The following GPD2 variants were observed in gnomAD, a reference collection of about 807,000 sequenced individuals.
The protein encoded by GPD2 is glycerol-3-phosphate dehydrogenase, mitochondrial.
Under a neutral mutation model 82.4 loss-of-function variants are expected in GPD2, and 54 were observed. The ratio of observed to expected loss-of-function variants is 0.66; its 90% CI spans 0.53 to 0.82. The LOEUF (loss-of-function observed/expected upper bound fraction) is 0.82, where lower values mean the gene tolerates loss of function less well. GPD2 is among the 40% of genes least tolerant of loss of function. The pLI is 0.00. For missense variants in GPD2, 748 were observed against 896.2 expected, an observed-to-expected ratio of 0.83 and a Z score of 2.11; for synonymous variants, 288 against 306.1, an observed-to-expected ratio of 0.94 and a Z score of 0.62.
chr2:156,443,254 T>A (rs1558900520), intron 1 of GPD2, among the ~76,000 whole-genome samples: 1 of 152,236 alleles, frequency 6.6e-6, no homozygotes, highest in African/African-American at 2.4e-5. Flanking sequence ...ATAATTCCCT[T>A]ATAGATGCTT....
rs1684972927 is a variant in GPD2 at position 156,510,918 on chromosome 2, C to CAGGT, written c.399_399+3dup. The CAGGT allele has an allele frequency of 2.5e-6, 4 of 1,613,310 alleles. No homozygotes were observed. Among genetic ancestry groups the CAGGT allele is most frequent in the Non-Finnish European group, 8.5e-7 (1 of 1,179,290 alleles). On this transcript the variant is annotated frameshift_variant and splice_region_variant, in exon 4 of 17. Transcript: ENST00000438166. LOFTEE classifies it high-confidence loss of function. ...GGCCATCATGAAGTTGGATATTGAG[C>CAGGT]AGGTAATTGTGTATGCTGGTTGTTA... is the stretch of plus-strand genomic sequence containing the variant.
At position 156,570,309 on chromosome 2, in the gene GPD2, G is replaced by A. The variant is rs550958152; in HGVS notation, c.1608+91G>A. 4 of 1,149,816 alleles carry A rather than the reference G, an allele frequency of 3.5e-6. No homozygotes were observed. In the South Asian group the frequency reaches 4.9e-5, roughly 14 times the overall value. 71.2% of individuals were successfully genotyped at this position (1,149,816 alleles called of 1,614,324 possible). ...ATCTTTAAAAATTATATGTAGCTAAGTTTTAATGCACATATGTCAGCTAAA... is the reference window on the plus strand; with the variant it reads ...ATCTTTAAAAATTATATGTAGCTAAATTTTAATGCACATATGTCAGCTAAA... On this transcript the variant is annotated intron_variant, in intron 12 of 16. Transcript: ENST00000438166.
intron 1 of GPD2, among the ~76,000 whole-genome samples, chr2:156,458,963 G>T (rs1200458612): frequency 6.6e-6 from 1 of 151,358 alleles, no homozygotes; most frequent in Non-Finnish European, 1.5e-5. Context: ...ACCTTCACTT[G>T]TGAGTGTGTA....
rs146568006 is a variant in GPD2, at chr2:156,550,508, C to T, written c.827-94C>T. ...TTAGTGTGGTATGCAGTATACTTCACCATGGGTTAAGTTAATAGATGAATT... is the reference window on the plus strand; with the variant it reads ...TTAGTGTGGTATGCAGTATACTTCATCATGGGTTAAGTTAATAGATGAATT... On this transcript the variant is annotated intron_variant, in intron 7 of 16. Coordinates refer to ENST00000438166, the MANE Select transcript of GPD2 (RefSeq NM_000408.5). 498 of 1,289,386 alleles carry T rather than the reference C, an allele frequency of 3.9e-4. 1 individual carries two copies. The African/African-American group carries it at 6.2e-3, about 16-fold the overall frequency. The allele number at this position is 1,289,386 out of a possible 1,614,324, so 79.9% of individuals were successfully genotyped here.
At chr2:156,516,759 T>C (rs977213862) in intron 6 of GPD2, among the ~76,000 whole-genome samples, 14 of 152,240 alleles carry the variant, frequency 9.2e-5, no homozygotes, top group African/African-American at 3.4e-4. Context: ...AAATGAACAT[T>C]TAATGCTGCA....
At chr2:156,404,671 C>A in the GPD2 span, among the ~76,000 whole-genome samples, 1 of 125,726 alleles carries the variant, frequency 8.0e-6, no homozygotes. Flanking sequence ...GAAACCCCGT[C>A]TCTATTAAAA....
chr2:156,581,125 A>G (rs990478751), intron 16 of GPD2, among the ~76,000 whole-genome samples: 1 of 152,158 alleles, frequency 6.6e-6, no homozygotes, highest in African/African-American at 2.4e-5. Context: ...AGTTAAAAGC[A>G]GGAGATAATT....
intron 9 of GPD2, among the ~76,000 whole-genome samples, chr2:156,567,494 G>A (rs1004331814): frequency 6.6e-6 from 1 of 152,016 alleles, no homozygotes; most frequent in Non-Finnish European, 1.5e-5. Context: ...GTAATTGCTG[G>A]GAGTATGATG....
intron 6 of GPD2, among the ~76,000 whole-genome samples, chr2:156,533,767 C>A (rs543190083): frequency 3.3e-5 from 5 of 152,212 alleles, no homozygotes; most frequent in African/African-American, 9.6e-5. Flanking sequence ...TGACCCCCCT[C>A]GCAGGATGTG....
At chr2:156,472,238 G>C (rs1186917470) in intron 1 of GPD2, among the ~76,000 whole-genome samples, 1 of 151,852 alleles carries the variant, frequency 6.6e-6, no homozygotes, top group East Asian at 1.9e-4. Context: ...TCCTTACAAT[G>C]GTAAATGGGT....
At chr2:156,503,075 A>G (rs1029104209) in intron 3 of GPD2, among the ~76,000 whole-genome samples, 1 of 152,076 alleles carries the variant, frequency 6.6e-6, no homozygotes, top group Non-Finnish European at 1.5e-5. Flanking sequence ...GACCTTGCAG[A>G]CTAGCTGCTG....
At chr2:156,464,943 TG>T (rs1683100011) in intron 1 of GPD2, among the ~76,000 whole-genome samples, 1 of 152,062 alleles carries the variant, frequency 6.6e-6, no homozygotes, top group Non-Finnish European at 1.5e-5. Context: ...CTCCACCTCC[TG>T]GGTTCAAGTG....
chr2:156,480,417 C>T (rs1393148507), intron 2 of GPD2, among the ~76,000 whole-genome samples: 1 of 143,368 alleles, frequency 7.0e-6, no homozygotes, highest in African/African-American at 2.6e-5. Context: ...TTCATTATAG[C>T]CCAACGGCAC....
the GPD2 span, among the ~76,000 whole-genome samples, chr2:156,419,365 A>T: frequency 6.6e-6 from 1 of 152,186 alleles, no homozygotes. Context: ...AGCCCAGGGT[A>T]CTGTTTTCTA....
intron 6 of GPD2, among the ~76,000 whole-genome samples, chr2:156,531,260 G>T (rs1295657108): frequency 6.6e-6 from 1 of 152,060 alleles, no homozygotes; most frequent in Non-Finnish European, 1.5e-5. Flanking sequence ...TCCACAGATT[G>T]GTGTTAGTGT....
intron 9 of GPD2, among the ~76,000 whole-genome samples, chr2:156,559,086 G>A (rs1050172002): frequency 1.3e-5 from 2 of 151,950 alleles, no homozygotes; most frequent in Non-Finnish European, 2.9e-5. Flanking sequence ...CTTGCTCTGG[G>A]ACACCCTTTT....
At chr2:156,554,745 T>C (rs1686897275) in intron 8 of GPD2, among the ~76,000 whole-genome samples, 1 of 152,186 alleles carries the variant, frequency 6.6e-6, no homozygotes. Context: ...AATAATCATC[T>C]CTGTTTAGCC....
At chr2:156,477,612 C>T (rs1435118601) in intron 2 of GPD2, among the ~76,000 whole-genome samples, 2 of 152,182 alleles carry the variant, frequency 1.3e-5, no homozygotes, top group Non-Finnish European at 2.9e-5. Flanking sequence ...GCATTCTGAA[C>T]TGTGAGGACA....
At chr2:156,459,686 CAAAAAAAAA>C (rs564494059) in intron 1 of GPD2, among the ~76,000 whole-genome samples, 26 of 38,778 alleles carry the variant, frequency 6.7e-4, no homozygotes, top group Admixed American at 9.5e-4. Context: ...GACTCCGTCT[CAAAAAAAAA>C]AAAAAAAAAA....
Sources: gnomAD v4.1 joint callset for allele counts (sites outside exome capture counted in the v4.1 genomes callset) on GRCh38, gnomAD v4.1.1 for gene constraint, MANE v1.5 for transcripts, NCBI Gene and HGNC (gene_info 2026-07-23, HGNC 2026-07-21) for gene names.